The following HOXC8 variants were observed in gnomAD, a reference collection of about 807,000 sequenced individuals.
HOXC8 encodes the protein homeobox protein Hox-C8.
In HOXC8, 14 loss-of-function variants were observed where a neutral mutation model predicts 25.8. That is an observed-to-expected ratio of 0.54 (90% confidence interval 0.36 to 0.85). The LOEUF is 0.85. HOXC8 is among the 40% of genes least tolerant of loss of function. HOXC8 has a pLI of 0.01. For synonymous variants in HOXC8, 144 were observed against 124.6 expected, an observed-to-expected ratio of 1.16 and a Z score of -1.04; for missense variants, 316 against 308.8, an observed-to-expected ratio of 1.02 and a Z score of -0.17.
chr12:54,010,418 C>T (rs1565729556), intron 1 of HOXC8, among the ~76,000 whole-genome samples: 1 of 152,188 alleles, frequency 6.6e-6, no homozygotes. Context: ...AGACCCTAGC[C>T]GCCCCCCCAA....
rs777858746 is a variant in HOXC8, at chr12:54,009,738, T to C, written c.436+18T>C. 1.2e-6 allele frequency: 2 copies of C among 1,607,170 alleles called. No homozygotes were observed. On this transcript the variant is annotated intron_variant, in intron 1 of 1. Transcript: ENST00000040584. The surrounding 1 kb of genome is among the most constrained non-coding windows in gnomAD (Gnocchi z 5.0). ...ACCCCACGGTGAGAAGCCTTTTCTC[T>C]TTCCCCCTTGGTCTCCCGCGCTCCA...
Position 54,009,831 on chromosome 12 carries a change from C to T in HOXC8, c.436+111C>T. The T allele has an allele frequency of 2.2e-6, 2 of 911,296 alleles. No individual in the cohort carries two copies. Among genetic ancestry groups the T allele is most frequent in the East Asian group, 2.5e-5 (1 of 39,844 alleles). 56.5% of individuals were successfully genotyped at this position (911,296 alleles called of 1,614,324 possible). ...TTTTTCTCCTGGCTTTGGGGTCTCT[C>T]CCGCCCCACCCCCGTGCCTGTGCCT... On this transcript the variant is annotated intron_variant, in intron 1 of 1. Transcript: ENST00000040584. The surrounding 1 kb of genome is among the most constrained non-coding windows in gnomAD (Gnocchi z 5.0).
chr12:54,010,819 TG>T (rs548903145), intron 1 of HOXC8, among the ~76,000 whole-genome samples: 2 of 152,006 alleles, frequency 1.3e-5, no homozygotes, highest in South Asian at 2.1e-4. Flanking sequence ...ACAGGCCTGG[TG>T]GGGGGGATTC....
Position 54,012,340 on chromosome 12 carries a change from C to CAAAA in HOXC8, c.*970_*973dup, listed in dbSNP as rs11444199. Reference sequence around the variant, plus strand: ...GAAAAAAAGAGAAAAAAATAAAAATCAAAAAAAAAAAAAAGAAAGAAAGAA... The same window carrying CAAAA: ...GAAAAAAAGAGAAAAAAATAAAAATCAAAAAAAAAAAAAAAAAAGAAAGAAAGAA... On this transcript the variant is annotated 3_prime_UTR_variant, in exon 2 of 2. Coordinates refer to ENST00000040584, the MANE Select transcript of HOXC8 (RefSeq NM_022658.4). 5 of 129,506 alleles carry CAAAA rather than the reference C, an allele frequency of 3.9e-5. No homozygotes were observed. Among genetic ancestry groups the CAAAA allele is most frequent in the African/African-American group, 5.6e-5 (2 of 35,596 alleles). 8.0% of individuals were successfully genotyped at this position (129,506 alleles called of 1,614,324 possible).
In HOXC8 at chr12:54,009,219, C is replaced by CG; in HGVS notation, c.-61dup. 4 of 1,349,638 alleles carry CG rather than the reference C, an allele frequency of 3.0e-6. No individual in the cohort carries two copies. Among genetic ancestry groups the CG allele is most frequent in the Non-Finnish European group, 4.1e-6 (4 of 979,832 alleles). 83.6% of individuals were successfully genotyped at this position (1,349,638 alleles called of 1,614,324 possible). On this transcript the variant is annotated 5_prime_UTR_variant, in exon 1 of 2. Transcript: ENST00000040584. This position sits in a 1 kb window ranked among gnomAD's most constrained non-coding sequence, Gnocchi z 5.0. Reference sequence around the variant, plus strand: ...TTCGGTCCCGGGGGGAGGGGAGTTTCGGGGGTACTGGGCGGGGTACTCGTG... The same window carrying CG: ...TTCGGTCCCGGGGGGAGGGGAGTTTCGGGGGGTACTGGGCGGGGTACTCGTG...
chr12:54,009,039 C>T lies in HOXC8; in HGVS notation c.-246C>T. The T allele has an allele frequency of 6.6e-6, 1 of 150,580 alleles. No homozygotes were observed. Among genetic ancestry groups the T allele is most frequent in the Non-Finnish European group, 1.4e-5 (1 of 68,978 alleles). The allele number at this position is 150,580 out of a possible 1,614,324, so 9.3% of individuals were successfully genotyped here. ...ACAGTGAGGAGCGCCGCCGCCGCCG[C>T]CGCCGCCCGCTCGCCGCCCGCCGCC... On this transcript the variant is annotated 5_prime_UTR_variant, in exon 1 of 2. Coordinates refer to ENST00000040584, the MANE Select transcript of HOXC8 (RefSeq NM_022658.4). The surrounding 1 kb of genome is among the most constrained non-coding windows in gnomAD (Gnocchi z 5.0).
chr12:54,009,228 T>C lies in HOXC8; in HGVS notation c.-57T>C, dbSNP rs2136401044. 1 of 1,420,434 alleles carries C rather than the reference T, an allele frequency of 7.0e-7. No homozygotes were observed. Among genetic ancestry groups the C allele is most frequent in the East Asian group, 2.3e-5 (1 of 43,508 alleles). The allele number at this position is 1,420,434 out of a possible 1,614,324, so 88.0% of individuals were successfully genotyped here. Reference sequence around the variant, plus strand: ...GGGGGGAGGGGAGTTTCGGGGGTACTGGGCGGGGTACTCGTGAGCCAGAGG... The same window carrying C: ...GGGGGGAGGGGAGTTTCGGGGGTACCGGGCGGGGTACTCGTGAGCCAGAGG... On this transcript the variant is annotated 5_prime_UTR_variant, in exon 1 of 2. Coordinates refer to ENST00000040584, the MANE Select transcript of HOXC8 (RefSeq NM_022658.4). The surrounding 1 kb of genome is among the most constrained non-coding windows in gnomAD (Gnocchi z 5.0).
Position 54,009,072 on chromosome 12 carries a change from C to T in HOXC8, c.-213C>T, listed in dbSNP as rs12818104. ...CGCTCGCCGCCCGCCGCCGCCGCCG[C>T]CCGCGCCCCAGCCCCGGGAGCTCTG... On this transcript the variant is annotated 5_prime_UTR_variant, in exon 1 of 2. Transcript: ENST00000040584. This position sits in a 1 kb window ranked among gnomAD's most constrained non-coding sequence, Gnocchi z 5.0. The T allele has an allele frequency of 9.5e-6, 2 of 210,472 alleles. No homozygotes were observed. The highest frequency in any genetic ancestry group is 1.8e-5 in the Non-Finnish European group (2 of 108,728). 13.0% of individuals were successfully genotyped at this position (210,472 alleles called of 1,614,324 possible). A position where few individuals can be genotyped will look rare whatever the true frequency, so the allele number is the denominator to read the frequency against.
At position 54,011,306 on chromosome 12, in the gene HOXC8, T is replaced by C; in HGVS notation, c.654T>C (p.Asp218=). 4 of 1,547,838 alleles carry C rather than the reference T, an allele frequency of 2.6e-6. No individual in the cohort carries two copies. Among genetic ancestry groups the C allele is most frequent in the Non-Finnish European group, 2.6e-6 (3 of 1,149,192 alleles). Reference sequence around the variant, plus strand: ...AGGATAAACTGCCGGGAGCCCGAGATGAGGAGAAGGTGGAGGAAGAAGGAA... The same window carrying C: ...AGGATAAACTGCCGGGAGCCCGAGACGAGGAGAAGGTGGAGGAAGAAGGAA... The part of the protein sequence containing the change: ...NNKDKLPGAR[D]EEKVEEEGNE... The change falls in exon 2 of 2, where the codon GAT becomes GAC. Residue 218 remains aspartate (D), a synonymous_variant. Transcript: ENST00000040584.
rs1940011057 is a variant in HOXC8 at position 54,012,205 on chromosome 12, C to T, written c.*824C>T. The T allele has an allele frequency of 6.6e-6, 1 of 152,222 alleles. No homozygotes were observed. The highest frequency in any genetic ancestry group is 2.4e-5 in the African/African-American group (1 of 41,292). 9.4% of individuals were successfully genotyped at this position (152,222 alleles called of 1,614,324 possible). Reference sequence around the variant, plus strand: ...TGCATTAGTGTTAGTGCTCAGAAATCACCATAATCACGAAAATAATAATAA... The same window carrying T: ...TGCATTAGTGTTAGTGCTCAGAAATTACCATAATCACGAAAATAATAATAA... On this transcript the variant is annotated 3_prime_UTR_variant, in exon 2 of 2. Coordinates refer to ENST00000040584, the MANE Select transcript of HOXC8 (RefSeq NM_022658.4).
At position 54,011,176 on chromosome 12, in the gene HOXC8, C is replaced by G. The variant is rs1422493657; in HGVS notation, c.524C>G (p.Thr175Arg). ...EKEFLFNPYL[T>R]RKRRIEVSHA... ...GAGTTTCTCTTTAATCCTTATTTGA[C>G]ACGAAAACGTCGGATTGAAGTCTCT... The change falls in exon 2 of 2, where the codon ACA becomes AGA. Residue 175 changes from threonine to arginine, a missense_variant. Physicochemically the swap from Thr to Arg is moderately conservative, Grantham distance 71 (BLOSUM62 -1). Coordinates refer to ENST00000040584, the MANE Select transcript of HOXC8 (RefSeq NM_022658.4). The G allele has an allele frequency of 6.2e-7, 1 of 1,614,094 alleles. No homozygotes were observed. The highest frequency in any genetic ancestry group is 1.1e-5 in the South Asian group (1 of 91,068).
Position 54,009,756 on chromosome 12 carries a change from G to C in HOXC8, c.436+36G>C. 1 of 1,577,554 alleles carries C rather than the reference G, an allele frequency of 6.3e-7. No individual in the cohort carries two copies. The highest frequency in any genetic ancestry group is 8.7e-7 in the Non-Finnish European group (1 of 1,150,646). ...TTTTCTCTTTCCCCCTTGGTCTCCC[G>C]CGCTCCAGGGTTTCCCCCCCTCCCT... On this transcript the variant is annotated intron_variant, in intron 1 of 1. Coordinates refer to ENST00000040584, the MANE Select transcript of HOXC8 (RefSeq NM_022658.4). The surrounding 1 kb of genome is among the most constrained non-coding windows in gnomAD (Gnocchi z 5.0).
At position 54,009,667 on chromosome 12, in the gene HOXC8, A is replaced by G. The variant is rs776877618; in HGVS notation, c.383A>G (p.His128Arg). The G allele has an allele frequency of 3.7e-6, 6 of 1,614,236 alleles. No homozygotes were observed. In the Admixed American group the frequency reaches 5.0e-5, roughly 13 times the overall value. Reference sequence around the variant, plus strand: ...ACTAACAGTAGCGAAGGACAAGGCCACTTAAATCAAAACTCGTCTCCCAGC... The same window carrying G: ...ACTAACAGTAGCGAAGGACAAGGCCGCTTAAATCAAAACTCGTCTCCCAGC... ...ANTNSSEGQG[H>R]LNQNSSPSLM... is the part of the protein sequence containing the mutation. The change falls in exon 1 of 2, where the codon CAC (histidine) becomes CGC (arginine). Residue 128 changes from histidine to arginine, a missense_variant. Physicochemically the swap from His to Arg is conservative, Grantham distance 29. Transcript: ENST00000040584. The surrounding 1 kb of genome is among the most constrained non-coding windows in gnomAD (Gnocchi z 5.0).
Position 54,012,418 on chromosome 12 carries a change from A to G in HOXC8, c.*1037A>G, listed in dbSNP as rs1324212896. On this transcript the variant is annotated 3_prime_UTR_variant, in exon 2 of 2. Coordinates refer to ENST00000040584, the MANE Select transcript of HOXC8 (RefSeq NM_022658.4). ...TAGAAAGAAATCCTGCTTTGAGAGT[A>G]TTTGTAATGCGGTTTTGTTGTCGTT... 6.6e-6 allele frequency: 1 copy of G among 151,110 alleles called. No homozygotes were observed. Among genetic ancestry groups the G allele is most frequent in the Non-Finnish European group, 1.5e-5 (1 of 67,804 alleles). 9.4% of individuals were successfully genotyped at this position (151,110 alleles called of 1,614,324 possible). A position where few individuals can be genotyped will look rare whatever the true frequency, so the allele number is the denominator to read the frequency against.
At position 54,009,587 on chromosome 12, in the gene HOXC8, G is replaced by A. The variant is rs377312910; in HGVS notation, c.303G>A (p.Gly101=). ...CGCTCCCCAGACAGTCCCTTTATGG[G>A]GCTCAGCAAGAGGCGAGCGTGGTGC... The part of the protein sequence containing the change: ...YEALPRQSLY[G]AQQEASVVQY... Residue 101 remains glycine, a synonymous_variant, in exon 1 of 2, where the codon GGG becomes GGA. Transcript: ENST00000040584. This position sits in a 1 kb window ranked among gnomAD's most constrained non-coding sequence, Gnocchi z 5.0. 11 of 1,614,062 alleles carry A rather than the reference G, an allele frequency of 6.8e-6. No individual in the cohort carries two copies. In the African/African-American group the frequency reaches 1.5e-4, roughly 22 times the overall value.
Position 54,009,818 on chromosome 12 carries a change from C to A in HOXC8, c.436+98C>A. ...TGTCTGCCCTCGCTTTTTCTCCTGG[C>A]TTTGGGGTCTCTCCCGCCCCACCCC... On this transcript the variant is annotated intron_variant, in intron 1 of 1. Transcript: ENST00000040584. This position sits in a 1 kb window ranked among gnomAD's most constrained non-coding sequence, Gnocchi z 5.0. 1 of 1,091,378 alleles carries A rather than the reference C, an allele frequency of 9.2e-7. No homozygotes were observed. The highest frequency in any genetic ancestry group is 1.4e-5 in the South Asian group (1 of 69,628). The allele number at this position is 1,091,378 out of a possible 1,614,324, so 67.6% of individuals were successfully genotyped here. A position where few individuals can be genotyped will look rare whatever the true frequency, so the allele number is the denominator to read the frequency against.
chr12:54,011,306 T>G lies in HOXC8; in HGVS notation c.654T>G (p.Asp218Glu). The G allele has an allele frequency of 1.3e-6, 2 of 1,547,838 alleles. No homozygotes were observed. The highest frequency in any genetic ancestry group is 1.7e-6 in the Non-Finnish European group (2 of 1,149,192). ...NNKDKLPGAR[D>E]EEKVEEEGNE... is the part of the protein sequence containing the mutation. Reference sequence around the variant, plus strand: ...AGGATAAACTGCCGGGAGCCCGAGATGAGGAGAAGGTGGAGGAAGAAGGAA... The same window carrying G: ...AGGATAAACTGCCGGGAGCCCGAGAGGAGGAGAAGGTGGAGGAAGAAGGAA... Residue 218 changes from aspartate to glutamate, a missense_variant, in exon 2 of 2, where the codon GAT becomes GAG. By Grantham distance (45) the Asp-to-Glu change is conservative. Coordinates refer to ENST00000040584, the MANE Select transcript of HOXC8 (RefSeq NM_022658.4).
At position 54,009,458 on chromosome 12, in the gene HOXC8, C is replaced by T. The variant is rs1202440846; in HGVS notation, c.174C>T (p.Asp58=). ...AGCACGCTTCGCACCACGTTCAAGACTTCTTCCACCACGGCACCTCCGGCA... is the reference window on the plus strand; with the variant it reads ...AGCACGCTTCGCACCACGTTCAAGATTTCTTCCACCACGGCACCTCCGGCA... The part of the protein sequence containing the change: ...GFQHASHHVQ[D]FFHHGTSGIS... The change falls in exon 1 of 2, where the codon GAC becomes GAT. Residue 58 remains aspartate, a synonymous_variant. Transcript: ENST00000040584. The surrounding 1 kb of genome is among the most constrained non-coding windows in gnomAD (Gnocchi z 5.0). 1.9e-6 allele frequency: 3 copies of T among 1,614,086 alleles called. No individual in the cohort carries two copies. Among genetic ancestry groups the T allele is most frequent in the African/African-American group, 1.3e-5 (1 of 74,924 alleles).
rs2136403104 is a variant in HOXC8, at chr12:54,011,601, A to C, written c.*220A>C. 2.1e-6 allele frequency: 1 copy of C among 470,162 alleles called. No homozygotes were observed. Among genetic ancestry groups the C allele is most frequent in the Non-Finnish European group, 3.5e-6 (1 of 286,842 alleles). The allele number at this position is 470,162 out of a possible 1,614,324, so 29.1% of individuals were successfully genotyped here. A position where few individuals can be genotyped will look rare whatever the true frequency, so the allele number is the denominator to read the frequency against. On this transcript the variant is annotated 3_prime_UTR_variant, in exon 2 of 2. Coordinates refer to ENST00000040584, the MANE Select transcript of HOXC8 (RefSeq NM_022658.4). ...GGGGGCTGGAGGGGGGAGACGGAGA[A>C]ACAGTGAAAAGTTCGGACTCTCTGT...
Sources: gnomAD v4.1 joint callset for allele counts (sites outside exome capture counted in the v4.1 genomes callset) on GRCh38, gnomAD v4.1.1 for gene constraint, Gnocchi (gnomAD v3.1) non-coding constraint, MANE v1.5 for transcripts, NCBI Gene and HGNC (gene_info 2026-07-23, HGNC 2026-07-21) for gene names.